Variants in SOX5 observed in about 807,000 individuals in gnomAD.
SOX5 encodes SRY-box transcription factor 5.
In SOX5, 9 loss-of-function variants were observed where a neutral mutation model predicts 92.0. The observed-to-expected ratio is 0.10, with a 90% CI of 0.06 to 0.17. The LOEUF (loss-of-function observed/expected upper bound fraction) is 0.17, where lower values mean the gene tolerates loss of function less well. Among genes scored for constraint, SOX5 ranks in the 10% least tolerant of loss-of-function variants. The probability of loss-of-function intolerance (pLI) is 1.00; values close to 1 mark genes in which losing one functional copy is unlikely to be tolerated. For missense variants in SOX5, 642 were observed against 944.5 expected, an observed-to-expected ratio of 0.68 and a Z score of 4.20; for synonymous variants, 344 against 336.3, an observed-to-expected ratio of 1.02 and a Z score of -0.25.
intron 1 of SOX5, among the ~76,000 whole-genome samples, chr12:23,923,633 G>A (rs1001691652): frequency 6.6e-6 from 1 of 152,030 alleles, no homozygotes. Flanking sequence ...CCCGCCCCAA[G>A]CTCAAAGAAC....
intron 2 of SOX5, among the ~76,000 whole-genome samples, chr12:23,877,558 G>A (rs1168434858): frequency 6.6e-6 from 1 of 151,880 alleles, no homozygotes; most frequent in Non-Finnish European, 1.5e-5. Context: ...TTACTTCCTG[G>A]TAATTTATTT....
chr12:24,379,167 A>G (rs1188321968), intron 1 of SOX5, among the ~76,000 whole-genome samples: 1 of 152,208 alleles, frequency 6.6e-6, no homozygotes, highest in African/African-American at 2.4e-5. Context: ...AGTATTCAAA[A>G]CAGTGCACTC....
chr12:24,333,179 A>T (rs2141001173), intron 2 of SOX5, among the ~76,000 whole-genome samples: 1 of 152,210 alleles, frequency 6.6e-6, no homozygotes, highest in East Asian at 1.9e-4. Flanking sequence ...AAAACAAAGA[A>T]AGCTACCATA....
At chr12:23,850,438 A>C (rs2096619969) in intron 2 of SOX5, among the ~76,000 whole-genome samples, 1 of 132,382 alleles carries the variant, frequency 7.6e-6, no homozygotes, top group South Asian at 2.3e-4. Context: ...CAAAAAAAAA[A>C]TAAATAAATA....
chr12:24,236,199 AAAAT>A (rs954520130), intron 3 of SOX5, among the ~76,000 whole-genome samples: 10 of 152,084 alleles, frequency 6.6e-5, no homozygotes, highest in Non-Finnish European at 1.0e-4. Flanking sequence ...CTCAGTCTCA[AAAAT>A]AAATAAATAG....
chr12:24,283,484 G>C (rs1945463697), intron 2 of SOX5, among the ~76,000 whole-genome samples: 1 of 152,184 alleles, frequency 6.6e-6, no homozygotes. Flanking sequence ...CTTGGGGGAG[G>C]CCATTCAGAA....
rs114604753 is a variant in SOX5 at position 24,039,879 on chromosome 12, G to A, written c.-1-143855C>T. ...ATGCCTATTGTGTCCTACCGGAAGT[G>A]TCTCAGTTCTGTCGGAAGGTAAACT... is the stretch of plus-strand genomic sequence containing the variant. On this transcript the variant is annotated intron_variant, in intron 4 of 4. Coordinates refer to the SOX5 transcript ENST00000446891. 3.9e-3 allele frequency among the ~76,000 whole-genome samples: 591 copies of A among 152,296 alleles called. 7 individuals carry two copies. The highest frequency in any genetic ancestry group is 0.014 in the African/African-American group (566 of 41,554).
chr12:23,612,674 T>G (rs775160448), intron 8 of SOX5, among the ~76,000 whole-genome samples: 2 of 152,176 alleles, frequency 1.3e-5, no homozygotes, highest in Non-Finnish European at 2.9e-5. Flanking sequence ...TCTATTATGA[T>G]TTAAAAAAAT....
At chr12:23,634,310 G>A (rs954322188) in intron 8 of SOX5, among the ~76,000 whole-genome samples, 9 of 152,118 alleles carry the variant, frequency 5.9e-5, no homozygotes, top group African/African-American at 2.2e-4. Flanking sequence ...ATTTGAAGAT[G>A]ACTAGTGCTA....
At position 24,141,455 on chromosome 12, in the gene SOX5, A is replaced by T. The variant is rs1419966824; in HGVS notation, c.-2+71888T>A. ...AGATTGATGAAAAGAACACAGGCCA[A>T]TTAGCACTATTACTTGTAGTATGAA... is the stretch of plus-strand genomic sequence containing the variant. On this transcript the variant is annotated intron_variant, in intron 4 of 4. Transcript: ENST00000446891. Among the ~76,000 whole-genome samples, 10 of 152,208 alleles carry T rather than the reference A, an allele frequency of 6.6e-5. No individual in the cohort carries two copies. In the East Asian group the frequency reaches 1.9e-3, roughly 29 times the overall value.
rs139799110 is a variant in SOX5 at position 23,880,255 on chromosome 12, G to T, written c.270+15538C>A. On this transcript the variant is annotated intron_variant, in intron 2 of 14. Transcript: ENST00000451604. ...AACCCTTAAAGTGATTTAACACCTA[G>T]GTTAAGAAACCTTAACTTTAGAGAT... Among the ~76,000 whole-genome samples the T allele has an allele frequency of 3.4e-3, 513 of 152,248 alleles. 2 individuals carry two copies. The highest frequency in any genetic ancestry group is 0.012 in the African/African-American group (486 of 41,530).
At chr12:24,186,698 T>C (rs968303324) in intron 4 of SOX5, among the ~76,000 whole-genome samples, 2 of 152,092 alleles carry the variant, frequency 1.3e-5, no homozygotes, top group Non-Finnish European at 2.9e-5. Flanking sequence ...AAAAGTAGGC[T>C]CTAAAACTAT....
At chr12:23,794,982 A>G (rs1030910561) in intron 3 of SOX5, among the ~76,000 whole-genome samples, 1 of 152,168 alleles carries the variant, frequency 6.6e-6, no homozygotes, top group African/African-American at 2.4e-5. Context: ...TATTTCTAAC[A>G]AAAACACAAT....
At chr12:24,266,709 A>C (rs1313582512) in intron 3 of SOX5, among the ~76,000 whole-genome samples, 5 of 152,220 alleles carry the variant, frequency 3.3e-5, no homozygotes, top group African/African-American at 1.2e-4. Flanking sequence ...AACATAGGAA[A>C]ATGCCAATAG....
At chr12:24,398,777 G>A (rs1483978000) in intron 1 of SOX5, among the ~76,000 whole-genome samples, 1 of 152,120 alleles carries the variant, frequency 6.6e-6, no homozygotes, top group Non-Finnish European at 1.5e-5. Flanking sequence ...TCTAATAACA[G>A]GAAGGGTTTT....
At chr12:24,253,047 T>C (rs930038977) in intron 3 of SOX5, among the ~76,000 whole-genome samples, 2 of 152,042 alleles carry the variant, frequency 1.3e-5, no homozygotes, top group Non-Finnish European at 2.9e-5. Flanking sequence ...CAGAAAATGA[T>C]GCACTTCAGC....
At chr12:24,188,875 A>G (rs543237901) in intron 4 of SOX5, among the ~76,000 whole-genome samples, 118 of 152,334 alleles carry the variant, frequency 7.7e-4, no homozygotes, top group African/African-American at 2.6e-3. Context: ...AGATGAGATG[A>G]TGATCTATAT....
At chr12:23,715,046 A>G (rs955080312) in intron 6 of SOX5, among the ~76,000 whole-genome samples, 2 of 152,074 alleles carry the variant, frequency 1.3e-5, no homozygotes, top group Admixed American at 6.6e-5. Context: ...TTTTAAAAAA[A>G]TGCATCCTTT....
At chr12:24,082,183 T>G (rs973348033) in intron 4 of SOX5, among the ~76,000 whole-genome samples, 16 of 151,644 alleles carry the variant, frequency 1.1e-4, no homozygotes, top group African/African-American at 3.9e-4. Flanking sequence ...AGCGTACAAC[T>G]CAGGACAAAG....
Sources: allele counts gnomAD v4.1 joint callset (sites outside exome capture counted in the v4.1 genomes callset), GRCh38; gene constraint gnomAD v4.1.1; transcripts MANE v1.5; gene names NCBI Gene and HGNC (gene_info 2026-07-23, HGNC 2026-07-21).